Variants in CDH23 observed in about 807,000 individuals in gnomAD.
The protein encoded by CDH23 is cadherin-23.
Under a neutral mutation model 317.1 loss-of-function variants are expected in CDH23, and 189 were observed. The observed-to-expected ratio is 0.60, with a 90% CI of 0.53 to 0.67. The LOEUF is 0.67. Ranked by LOEUF, CDH23 falls within the 30% of genes least tolerant of loss-of-function variation. The pLI, the probability that CDH23 is intolerant of heterozygous loss-of-function variation, is 0.00. For missense variants in CDH23, 4,401 were observed against 4,592.4 expected, an observed-to-expected ratio of 0.96 and a Z score of 1.20; for synonymous variants, 1,839 against 1,876.8, an observed-to-expected ratio of 0.98 and a Z score of 0.52.
intron 6 of CDH23, among the ~76,000 whole-genome samples, chr10:71,540,476 G>A (rs1855926329): frequency 6.6e-6 from 1 of 152,078 alleles, no homozygotes; most frequent in Admixed American, 6.5e-5. Context: ...AGAATCGTGG[G>A]GTCTGTGACG....
intron 11 of CDH23, among the ~76,000 whole-genome samples, chr10:71,637,952 C>T (rs1170991231): frequency 6.6e-6 from 1 of 151,958 alleles, no homozygotes; most frequent in Non-Finnish European, 1.5e-5. Context: ...TTAAGACCTC[C>T]TCCAAGGGCA....
chr10:71,555,534 C>T (rs12242893), intron 6 of CDH23, among the ~76,000 whole-genome samples: 1 of 152,170 alleles, frequency 6.6e-6, no homozygotes, highest in African/African-American at 2.4e-5. Flanking sequence ...GCCACGTGCT[C>T]TCTCCCTCTG....
At chr10:71,578,472 T>C (rs1159261435) in intron 9 of CDH23, among the ~76,000 whole-genome samples, 2 of 152,142 alleles carry the variant, frequency 1.3e-5, no homozygotes, top group Non-Finnish European at 2.9e-5. Flanking sequence ...CCCTTAAGAA[T>C]TCATGTCGCA....
intron 1 of CDH23, among the ~76,000 whole-genome samples, chr10:71,401,471 T>G (rs1434348450): frequency 6.6e-6 from 1 of 152,210 alleles, no homozygotes; most frequent in Non-Finnish European, 1.5e-5. Flanking sequence ...CCAGCCCTAT[T>G]CTTAAGTGAT....
At chr10:71,718,491 TCTGG>T (rs1353832327) in intron 28 of CDH23, among the ~76,000 whole-genome samples, 6 of 152,212 alleles carry the variant, frequency 3.9e-5, no homozygotes, top group African/African-American at 7.2e-5. Context: ...TAGAGAGCAC[TCTGG>T]CTGGGCAGCT....
intron 1 of CDH23, among the ~76,000 whole-genome samples, chr10:71,427,027 T>C (rs1002361132): frequency 6.6e-6 from 1 of 151,474 alleles, no homozygotes; most frequent in Non-Finnish European, 1.5e-5. Flanking sequence ...GGCACGCTCC[T>C]GTAGTCCCAG....
At chr10:71,433,518 C>T (rs1201908338) in intron 1 of CDH23, among the ~76,000 whole-genome samples, 1 of 152,160 alleles carries the variant, frequency 6.6e-6, no homozygotes, top group African/African-American at 2.4e-5. Flanking sequence ...GCACCACCTC[C>T]CTGCTGGTGG....
At chr10:71,493,545 A>G (rs955871047) in intron 3 of CDH23, among the ~76,000 whole-genome samples, 1 of 152,094 alleles carries the variant, frequency 6.6e-6, no homozygotes, top group Non-Finnish European at 1.5e-5. Context: ...CCCAGTTATT[A>G]TTTCCCATTC....
intron 3 of CDH23, among the ~76,000 whole-genome samples, chr10:71,483,123 G>A (rs542458788): frequency 1.3e-5 from 2 of 152,332 alleles, no homozygotes; most frequent in Non-Finnish European, 2.9e-5. Context: ...CTGGGGCCTG[G>A]GTGCCAGTAA....
At chr10:71,758,168 C>T (rs1840196246) in intron 38 of CDH23, among the ~76,000 whole-genome samples, 1 of 152,076 alleles carries the variant, frequency 6.6e-6, no homozygotes, top group Admixed American at 6.5e-5. Context: ...GACCAAAATG[C>T]ATGTTCTAAT....
At chr10:71,633,062 C>A (rs1247520351) in intron 11 of CDH23, among the ~76,000 whole-genome samples, 4 of 151,900 alleles carry the variant, frequency 2.6e-5, no homozygotes, top group Non-Finnish European at 5.9e-5. Flanking sequence ...GTCTCTCTTC[C>A]TCTTATAAAG....
chr10:71,810,352 C>T, intron 61 of CDH23, 120 bp from the exon 62 acceptor site: 7 of 959,446 alleles, frequency 7.3e-6, no homozygotes, highest in East Asian at 5.2e-5. Flanking sequence ...AACATTCAAA[C>T]ATTCAGTAGT....
intron 1 of CDH23, among the ~76,000 whole-genome samples, chr10:71,427,195 GAGAAAGAAAGAAAGAA>G (rs373672706): frequency 6.1e-5 from 6 of 98,934 alleles, no homozygotes; most frequent in African/African-American, 7.9e-5. Context: ...AGGAAGGAAA[GAGAAAGAAAGAAAGAA>G]AGAAAGAAAG....
At chr10:71,604,874 T>G (rs1860437229) in intron 9 of CDH23, among the ~76,000 whole-genome samples, 1 of 152,238 alleles carries the variant, frequency 6.6e-6, no homozygotes, top group South Asian at 2.1e-4. Flanking sequence ...AGCTCCTCTG[T>G]GAGCAAATTC....
chr10:71,728,144 T>C (rs1589378749), intron 30 of CDH23, among the ~76,000 whole-genome samples: 1 of 152,230 alleles, frequency 6.6e-6, no homozygotes, highest in South Asian at 2.1e-4. Context: ...GAGTGGTTAG[T>C]TTCTGTTTAC....
At chr10:71,585,413 T>A (rs7077295) in intron 9 of CDH23, among the ~76,000 whole-genome samples, 1 of 152,104 alleles carries the variant, frequency 6.6e-6, no homozygotes, top group Non-Finnish European at 1.5e-5. Context: ...AAGCCTTTCT[T>A]ACCTGCCCTC....
At chr10:71,690,120 T>C (rs1473098432) in intron 19 of CDH23, among the ~76,000 whole-genome samples, 1 of 152,212 alleles carries the variant, frequency 6.6e-6, no homozygotes. Flanking sequence ...TTCATGTCTT[T>C]TGACTCCAAG....
chr10:71,605,084 G>A (rs1860451703), intron 9 of CDH23, among the ~76,000 whole-genome samples: 1 of 152,192 alleles, frequency 6.6e-6, no homozygotes, highest in South Asian at 2.1e-4. Context: ...TCAAACACTG[G>A]GGGGTATTTT....
chr10:71,813,162 C>G (rs563702453), intron 68 of CDH23, 82 bp from the exon 69 acceptor site: 1 of 1,320,782 alleles, frequency 7.6e-7, no homozygotes, highest in Admixed American at 2.0e-5. Flanking sequence ...GTCCGTGTAC[C>G]CCTTACTCCC....
Sources: gnomAD v4.1 joint callset for allele counts (sites outside exome capture counted in the v4.1 genomes callset) on GRCh38, gnomAD v4.1.1 for gene constraint, MANE v1.5 for transcripts, NCBI Gene and HGNC (gene_info 2026-07-23, HGNC 2026-07-21) for gene names.